The following AUTS2 variants were observed in gnomAD, a reference collection of about 807,000 sequenced individuals.
AUTS2 encodes the protein autism susceptibility gene 2 protein.
A neutral mutation model predicts 112.4 loss-of-function variants in AUTS2; 17 were observed. The observed-to-expected ratio is 0.15, with a 90% CI of 0.10 to 0.23. The LOEUF (loss-of-function observed/expected upper bound fraction) is 0.23, where lower values mean the gene tolerates loss of function less well. Among genes scored for constraint, AUTS2 ranks in the 10% least tolerant of loss-of-function variants. The probability of loss-of-function intolerance (pLI) is 1.00; values close to 1 mark genes in which losing one functional copy is unlikely to be tolerated. For missense variants in AUTS2, 1,510 were observed against 1,701.6 expected, an observed-to-expected ratio of 0.89 and a Z score of 1.98; for synonymous variants, 751 against 702.7, an observed-to-expected ratio of 1.07 and a Z score of -1.09.
chr7:69,709,118 G>A (rs1284018113), intron 1 of AUTS2, among the ~76,000 whole-genome samples: 1 of 152,186 alleles, frequency 6.6e-6, no homozygotes, highest in Non-Finnish European at 1.5e-5. Flanking sequence ...CAGACTTAGC[G>A]GAACTGCACA....
At chr7:70,159,905 G>T (rs966420490) in intron 4 of AUTS2, among the ~76,000 whole-genome samples, 1 of 152,090 alleles carries the variant, frequency 6.6e-6, no homozygotes, top group African/African-American at 2.4e-5. Context: ...ATGGTGAAGG[G>T]TATATAATGT....
intron 5 of AUTS2, among the ~76,000 whole-genome samples, chr7:70,482,651 A>AGATGAT (rs1797836025): frequency 6.6e-6 from 1 of 152,164 alleles, no homozygotes; most frequent in Non-Finnish European, 1.5e-5. Context: ...ATGAAGATGA[A>AGATGAT]GATGATATTT....
rs532870645 is a variant in AUTS2, at chr7:70,737,817, A to G, written c.743-25053A>G. Among the ~76,000 whole-genome samples, 125 of 152,332 alleles carry G rather than the reference A, an allele frequency of 8.2e-4. 1 individual carries two copies. In the South Asian group the frequency reaches 1.0e-2, roughly 12 times the overall value. ...TTAGAGCCCTTGGGCTTCATAGGTA[A>G]CCTTGAAAATGGAAACACATCATTG... On this transcript the variant is annotated intron_variant, in intron 6 of 18. Transcript: ENST00000342771.
At chr7:69,825,614 C>T (rs1791206637) in intron 1 of AUTS2, among the ~76,000 whole-genome samples, 1 of 152,008 alleles carries the variant, frequency 6.6e-6, no homozygotes, top group Admixed American at 6.6e-5. Flanking sequence ...CAGTCTAGTG[C>T]CTGGCATATA....
intron 1 of AUTS2, among the ~76,000 whole-genome samples, chr7:69,736,618 C>T (rs2129239187): frequency 6.6e-6 from 1 of 152,346 alleles, no homozygotes; most frequent in Non-Finnish European, 1.5e-5. Context: ...CTTTGCAACT[C>T]ATAAATCATC....
intron 16 of AUTS2, 104 bp from the exon 17 acceptor site, chr7:70,785,851 C>T (rs1035790056): frequency 3.4e-5 from 35 of 1,026,010 alleles, no homozygotes; most frequent in South Asian, 5.6e-5. Context: ...CAGGTGGGGG[C>T]GTAGAGAGGG....
At chr7:69,896,991 T>G (rs1009558401) in intron 1 of AUTS2, among the ~76,000 whole-genome samples, 10 of 152,238 alleles carry the variant, frequency 6.6e-5, no homozygotes, top group East Asian at 1.9e-4. Flanking sequence ...TTTGTGTGAT[T>G]TGATTAGTAT....
At chr7:70,183,314 C>T (rs533530512) in intron 4 of AUTS2, among the ~76,000 whole-genome samples, 97 of 152,296 alleles carry the variant, frequency 6.4e-4, no homozygotes, top group Admixed American at 1.6e-3. Flanking sequence ...CCTAGAGAGA[C>T]TTTGATTAAT....
intron 5 of AUTS2, among the ~76,000 whole-genome samples, chr7:70,556,195 C>CCA (rs35740261): frequency 0.023 from 3,542 of 152,130 alleles, 121 homozygotes; most frequent in Admixed American, 0.1. Flanking sequence ...AGGGGCGATG[C>CCA]CACACACCTT....
At chr7:70,352,689 A>G (rs1466356675) in intron 4 of AUTS2, among the ~76,000 whole-genome samples, 2 of 152,224 alleles carry the variant, frequency 1.3e-5, no homozygotes, top group Non-Finnish European at 2.9e-5. Context: ...AAGGTACAGC[A>G]AAGAAACAAA....
intron 1 of AUTS2, among the ~76,000 whole-genome samples, chr7:69,827,339 T>G (rs1260922259): frequency 1.3e-5 from 2 of 152,192 alleles, no homozygotes; most frequent in Non-Finnish European, 2.9e-5. Flanking sequence ...AAGTGGTTTT[T>G]GTACTCAAGA....
chr7:70,517,357 A>T (rs190639831), intron 5 of AUTS2, among the ~76,000 whole-genome samples: 1 of 152,138 alleles, frequency 6.6e-6, no homozygotes, highest in Non-Finnish European at 1.5e-5. Context: ...GTGGTATCAG[A>T]TAAGTGAACT....
chr7:70,223,546 G>A (rs1220456404), intron 4 of AUTS2, among the ~76,000 whole-genome samples: 3 of 152,016 alleles, frequency 2.0e-5, no homozygotes, highest in East Asian at 1.9e-4. Context: ...AGTTATATAC[G>A]GTATATAATA....
intron 1 of AUTS2, among the ~76,000 whole-genome samples, chr7:69,883,282 C>A (rs1584389199): frequency 7.3e-6 from 1 of 137,720 alleles, no homozygotes; most frequent in Non-Finnish European, 1.6e-5. Context: ...CATAGAGTTC[C>A]TTTTTTTTTT....
In AUTS2 at chr7:70,459,473, C is replaced by T. The variant is rs146355308; in HGVS notation, c.690+23692C>T. The stretch of plus-strand genomic sequence containing the variant: ...ACACTTCAAGGCCAGCTCACCACTC[C>T]GATAGCTAAGCTGTCATACATAGTC... On this transcript the variant is annotated intron_variant, in intron 5 of 18. Coordinates refer to ENST00000342771, the MANE Select transcript of AUTS2 (RefSeq NM_015570.4). 5.9e-5 allele frequency among the ~76,000 whole-genome samples: 9 copies of T among 152,306 alleles called. No individual in the cohort carries two copies. The East Asian group carries it at 1.2e-3, about 20-fold the overall frequency.
chr7:69,721,115 T>C (rs1798906874), intron 1 of AUTS2, among the ~76,000 whole-genome samples: 1 of 152,214 alleles, frequency 6.6e-6, no homozygotes, highest in East Asian at 1.9e-4. Context: ...CCAGGGTCAG[T>C]TTTTGTTCAT....
At position 70,503,110 on chromosome 7, in the gene AUTS2, C is replaced by T. The variant is rs1485093420; in HGVS notation, c.690+67329C>T. 2.0e-5 allele frequency among the ~76,000 whole-genome samples: 3 copies of T among 152,056 alleles called. No homozygotes were observed. The East Asian group carries it at 5.8e-4, about 29-fold the overall frequency. ...AACCAGGGGAAACGAGGTAGCAGCA[C>T]CCATAGGTGTGCCTGTGCACTGGGT... On this transcript the variant is annotated intron_variant, in intron 5 of 18. Transcript: ENST00000342771.
intron 1 of AUTS2, among the ~76,000 whole-genome samples, chr7:69,660,382 T>G (rs948807489): frequency 1.3e-5 from 2 of 152,218 alleles, no homozygotes; most frequent in African/African-American, 2.4e-5. Flanking sequence ...TTTATTTATT[T>G]TTAATATGTT....
At chr7:69,793,621 C>T (rs1789714512) in intron 1 of AUTS2, among the ~76,000 whole-genome samples, 1 of 152,116 alleles carries the variant, frequency 6.6e-6, no homozygotes, top group Non-Finnish European at 1.5e-5. Flanking sequence ...GGCAGAGGCT[C>T]TCACCTTGGC....
Sources: gnomAD v4.1 joint callset for allele counts (sites outside exome capture counted in the v4.1 genomes callset) on GRCh38, gnomAD v4.1.1 for gene constraint, MANE v1.5 for transcripts, NCBI Gene and HGNC (gene_info 2026-07-23, HGNC 2026-07-21) for gene names.